Variants in ENTREP1 observed in about 807,000 individuals in gnomAD.
ENTREP1 encodes the protein endosomal transmembrane epsin interactor 1.
the ENTREP1 span, among the ~76,000 whole-genome samples, chr9:69,355,404 C>A: frequency 6.6e-6 from 1 of 152,136 alleles, no homozygotes; most frequent in African/African-American, 2.4e-5. Flanking sequence ...TTTCAAATGT[C>A]ACAGGGAGAG....
the ENTREP1 span, chr9:69,375,694 C>T: frequency 2.0e-6 from 3 of 1,530,116 alleles, no homozygotes; most frequent in African/African-American, 2.7e-5. Context: ...GGTATTTTTT[C>T]TTAATAATTA....
At chr9:69,356,884 CTTGAG>C in the ENTREP1 span, among the ~76,000 whole-genome samples, 1 of 152,044 alleles carries the variant, frequency 6.6e-6, no homozygotes, top group African/African-American at 2.4e-5. Context: ...TAATGCCCAA[CTTGAG>C]TTGAGGAATT....
chr9:69,340,810 T>TGTGCGC, the ENTREP1 span, among the ~76,000 whole-genome samples: 7 of 55,320 alleles, frequency 1.3e-4, no homozygotes, highest in African/African-American at 4.4e-4. Flanking sequence ...CATGTGTGTG[T>TGTGCGC]GTATGTGTGT....
At chr9:69,369,540 T>C in the ENTREP1 span, among the ~76,000 whole-genome samples, 1 of 152,298 alleles carries the variant, frequency 6.6e-6, no homozygotes, top group Admixed American at 6.5e-5. Flanking sequence ...TGGCATGAGA[T>C]GGTATCTCAT....
the ENTREP1 span, among the ~76,000 whole-genome samples, chr9:69,373,262 A>G: frequency 1.3e-5 from 2 of 152,182 alleles, no homozygotes; most frequent in Non-Finnish European, 2.9e-5. Flanking sequence ...GACATAATCA[A>G]CAGGATCATG....
At chr9:69,348,195 G>A in the ENTREP1 span, among the ~76,000 whole-genome samples, 1 of 152,132 alleles carries the variant, frequency 6.6e-6, no homozygotes, top group Admixed American at 6.5e-5. Context: ...GCTCACTGCA[G>A]CCTCGACCTC....
At chr9:69,355,729 G>A in the ENTREP1 span, among the ~76,000 whole-genome samples, 13 of 152,176 alleles carry the variant, frequency 8.5e-5, no homozygotes, top group East Asian at 5.8e-4. Flanking sequence ...GGAATCATCC[G>A]GAGGTTTGAC....
chr9:69,391,567 C>T, the ENTREP1 span: 1 of 1,597,072 alleles, frequency 6.3e-7, no homozygotes, highest in South Asian at 1.1e-5. Context: ...GTAAAGCTTA[C>T]TTAACTTCTC....
At chr9:69,326,873 C>T in the ENTREP1 span, among the ~76,000 whole-genome samples, 1 of 152,052 alleles carries the variant, frequency 6.6e-6, no homozygotes, top group African/African-American at 2.4e-5. Context: ...CGTAAATAAC[C>T]TTTCTATGAA....
the ENTREP1 span, among the ~76,000 whole-genome samples, chr9:69,356,108 A>G: frequency 6.6e-6 from 1 of 152,206 alleles, no homozygotes; most frequent in Non-Finnish European, 1.5e-5. Context: ...AGTAGAAACT[A>G]TATCCATTAA....
chr9:69,372,982 A>G, the ENTREP1 span, among the ~76,000 whole-genome samples: 1 of 151,990 alleles, frequency 6.6e-6, no homozygotes, highest in Non-Finnish European at 1.5e-5. Context: ...TGTCTTCATT[A>G]AAGGAAGAAT....
At chr9:69,340,762 CAT>C in the ENTREP1 span, among the ~76,000 whole-genome samples, 22 of 3,958 alleles carry the variant, frequency 5.6e-3, 1 homozygote, top group African/African-American at 2.9e-3. Flanking sequence ...TGTGTGCGTG[CAT>C]GTGTGTGTGT....
At chr9:69,390,259 A>G in the ENTREP1 span, among the ~76,000 whole-genome samples, 5 of 152,240 alleles carry the variant, frequency 3.3e-5, no homozygotes, top group Non-Finnish European at 7.3e-5. Context: ...ATGACCTTAA[A>G]GGCTCAGAAT....
the ENTREP1 span, among the ~76,000 whole-genome samples, chr9:69,366,384 G>GTTTTTTTTTTT: frequency 8.1e-6 from 1 of 122,992 alleles, no homozygotes; most frequent in African/African-American, 2.9e-5. Flanking sequence ...TTCCAACTGG[G>GTTTTTTTTTTT]GTTTTTTTTT....
At chr9:69,367,744 C>CACAT in the ENTREP1 span, among the ~76,000 whole-genome samples, 2 of 98,692 alleles carry the variant, frequency 2.0e-5, no homozygotes, top group African/African-American at 8.0e-5. Flanking sequence ...TATATATACA[C>CACAT]ATATATAAAT....
chr9:69,369,144 T>C, the ENTREP1 span, among the ~76,000 whole-genome samples: 1 of 152,210 alleles, frequency 6.6e-6, no homozygotes, highest in Non-Finnish European at 1.5e-5. Flanking sequence ...TCCATGTCCC[T>C]GCAAAGGACA....
chr9:69,388,117 G>C, the ENTREP1 span: 1 of 1,613,762 alleles, frequency 6.2e-7, no homozygotes, highest in Non-Finnish European at 8.5e-7. Flanking sequence ...TGTTCAAAAG[G>C]GGTTGGCCAA....
the ENTREP1 span, among the ~76,000 whole-genome samples, chr9:69,333,381 T>C: frequency 6.6e-6 from 1 of 151,998 alleles, no homozygotes; most frequent in African/African-American, 2.4e-5. Flanking sequence ...CTTGGCTCAC[T>C]GCACCCTCTA....
At chr9:69,338,732 G>A in the ENTREP1 span, among the ~76,000 whole-genome samples, 11,209 of 152,188 alleles carry the variant, frequency 0.074, 638 homozygotes, top group Admixed American at 0.096. Flanking sequence ...AGGTTTCCAT[G>A]TATGAGGAGT....
Sources: allele counts gnomAD v4.1 joint callset (sites outside exome capture counted in the v4.1 genomes callset), GRCh38; gene constraint gnomAD v4.1.1; transcripts MANE v1.5; gene names NCBI Gene and HGNC (gene_info 2026-07-23, HGNC 2026-07-21).